DDAH1: variants seen among roughly 807,000 people sequenced by gnomAD.
DDAH1 encodes dimethylarginine dimethylaminohydrolase 1.
Under a neutral mutation model 28.8 loss-of-function variants are expected in DDAH1, and 19 were observed. That is an observed-to-expected ratio of 0.66 (90% confidence interval 0.46 to 0.97). DDAH1 has a LOEUF of 0.97. DDAH1 is among the 50% of genes least tolerant of loss of function. DDAH1 has a pLI of 0.00. For synonymous variants in DDAH1, 153 were observed against 154.4 expected, an observed-to-expected ratio of 0.99 and a Z score of 0.07; for missense variants, 326 against 375.9, an observed-to-expected ratio of 0.87 and a Z score of 1.10.
At chr1:85,379,999 A>C (rs1245035119) in intron 1 of DDAH1, among the ~76,000 whole-genome samples, 1 of 152,226 alleles carries the variant, frequency 6.6e-6, no homozygotes, top group Non-Finnish European at 1.5e-5. Flanking sequence ...AGCCAGAGTA[A>C]TTCTGCCAAA....
intron 4 of DDAH1, among the ~76,000 whole-genome samples, chr1:85,342,719 T>C (rs1489015127): frequency 1.3e-5 from 2 of 152,212 alleles, no homozygotes; most frequent in African/African-American, 2.4e-5. Context: ...GACAAAAACG[T>C]TGGCTTCTTC....
In DDAH1 at chr1:85,508,050, G is replaced by A. The variant is rs115380371; in HGVS notation, c.-122-11769C>T. ...GAGGAACATAATACAAATTTGTCCCGTATTAGTGATTCTAAGGTCAATCAC... is the reference window on the plus strand; with the variant it reads ...GAGGAACATAATACAAATTTGTCCCATATTAGTGATTCTAAGGTCAATCAC... On this transcript the variant is annotated intron_variant, in intron 1 of 6. Transcript: ENST00000426972. 3.3e-3 allele frequency among the ~76,000 whole-genome samples: 507 copies of A among 152,246 alleles called. 1 individual carries two copies. The highest frequency in any genetic ancestry group is 0.011 in the African/African-American group (476 of 41,526).
At chr1:85,535,488 GTA>G (rs1658244247) in intron 1 of DDAH1, among the ~76,000 whole-genome samples, 1 of 95,812 alleles carries the variant, frequency 1.0e-5, no homozygotes, top group Non-Finnish European at 2.1e-5. Context: ...CCCCAGTGTT[GTA>G]TATATGTTTC....
intron 1 of DDAH1, among the ~76,000 whole-genome samples, chr1:85,564,377 T>G (rs990577235): frequency 2.0e-5 from 3 of 152,268 alleles, no homozygotes; most frequent in Non-Finnish European, 2.9e-5. Context: ...GTGAAAACTT[T>G]GAATGACCTA....
At chr1:85,428,078 C>G (rs1001180254) in intron 1 of DDAH1, among the ~76,000 whole-genome samples, 6 of 152,198 alleles carry the variant, frequency 3.9e-5, no homozygotes, top group Non-Finnish European at 7.3e-5. Context: ...ATGAAGTGGT[C>G]TACCTAAGTA....
At chr1:85,538,473 G>A (rs1349090092) in intron 1 of DDAH1, among the ~76,000 whole-genome samples, 1 of 152,084 alleles carries the variant, frequency 6.6e-6, no homozygotes, top group African/African-American at 2.4e-5. Context: ...CCCTAAAAGG[G>A]GAACACCCGG....
At chr1:85,342,293 ATAT>A (rs1648541059) in intron 4 of DDAH1, among the ~76,000 whole-genome samples, 1 of 152,128 alleles carries the variant, frequency 6.6e-6, no homozygotes, top group African/African-American at 2.4e-5. Context: ...GTATTCTCTA[ATAT>A]CAGTAATAGT....
intron 1 of DDAH1, among the ~76,000 whole-genome samples, chr1:85,531,425 C>G (rs1231287672): frequency 6.6e-6 from 1 of 152,226 alleles, no homozygotes; most frequent in Non-Finnish European, 1.5e-5. Context: ...GTGCATATTT[C>G]ACACTGCTAT....
At chr1:85,436,322 G>A (rs556146842) in intron 1 of DDAH1, among the ~76,000 whole-genome samples, 1 of 151,698 alleles carries the variant, frequency 6.6e-6, no homozygotes, top group East Asian at 1.9e-4. Context: ...TCATGCTTTT[G>A]TATTGATCAT....
Position 85,464,600 on chromosome 1 carries a change from AC to A in DDAH1, c.303+142del. 6.6e-7 allele frequency: 1 copy of A among 1,526,290 alleles called. No homozygotes were observed. The highest frequency in any genetic ancestry group is 8.8e-7 in the Non-Finnish European group (1 of 1,141,130). The allele number at this position is 1,526,290 out of a possible 1,614,324, so 94.5% of individuals were successfully genotyped here. On this transcript the variant is annotated intron_variant, in intron 1 of 5. Transcript: ENST00000284031. The surrounding 1 kb of genome is among the most constrained non-coding windows in gnomAD (Gnocchi z 4.4). ...CTCTCTGACTCTCTGACACACACAC[AC>A]ACACACACACTCGCCCCCCGACGGG...
At chr1:85,397,743 T>C (rs1488967353) in intron 1 of DDAH1, among the ~76,000 whole-genome samples, 1 of 152,206 alleles carries the variant, frequency 6.6e-6, no homozygotes, top group Non-Finnish European at 1.5e-5. Context: ...ATTAATAGAA[T>C]GCCTCGCTTC....
chr1:85,351,175 T>C (rs193203130), intron 3 of DDAH1, among the ~76,000 whole-genome samples: 133 of 151,624 alleles, frequency 8.8e-4, no homozygotes, highest in African/African-American at 3.1e-3. Context: ...GGATTATAGG[T>C]GTGAGCCATC....
chr1:85,468,175 T>C (rs1198578956), upstream of DDAH1, among the ~76,000 whole-genome samples: 1 of 152,182 alleles, frequency 6.6e-6, no homozygotes. Context: ...TGGCACAAAA[T>C]TGACAGAAGC....
In DDAH1 at chr1:85,464,318, T is replaced by C. The variant is rs1570577556; in HGVS notation, c.303+425A>G. The stretch of plus-strand genomic sequence containing the variant: ...CGAGCGCCAGGCAGGACTTGGGGGC[T>C]TCGGTGTCACGACTGGCGCTGCCCC... On this transcript the variant is annotated intron_variant, in intron 1 of 5. Transcript: ENST00000284031. This position sits in a 1 kb window ranked among gnomAD's most constrained non-coding sequence, Gnocchi z 4.4. 6.6e-6 allele frequency among the ~76,000 whole-genome samples: 1 copy of C among 152,158 alleles called. No individual in the cohort carries two copies.
At chr1:85,486,203 A>T (rs1557682611) in intron 2 of DDAH1, among the ~76,000 whole-genome samples, 1 of 152,146 alleles carries the variant, frequency 6.6e-6, no homozygotes, top group Non-Finnish European at 1.5e-5. Flanking sequence ...TTTTCAGGAG[A>T]TAAGGATGAA....
rs1656955288 is a variant in DDAH1 at position 85,504,890 on chromosome 1, G to C, written c.-122-8609C>G. Among the ~76,000 whole-genome samples, 2 of 148,690 alleles carry C rather than the reference G, an allele frequency of 1.3e-5. 1 individual carries two copies. Among genetic ancestry groups the C allele is most frequent in the African/African-American group, 5.0e-5 (2 of 40,202 alleles). The stretch of plus-strand genomic sequence containing the variant: ...TATCCTCATTCCCTACCCCATGCCA[G>C]ACCCACTGAATCAGAATTTCCAGGG... On this transcript the variant is annotated intron_variant, in intron 1 of 6. Coordinates refer to the DDAH1 transcript ENST00000426972.
Position 85,324,841 on chromosome 1 carries a change from CA to C in DDAH1, c.639del (p.Val214CysfsTer5). ...QMSDHRYDKL[T>X]VPDDIAANCI... ...CAGTTTGCTGCTATGTCATCAGGCACAGTGAGTTTGTCGTAGCGGTGGTCAC... is the reference window on the plus strand; with the variant it reads ...CAGTTTGCTGCTATGTCATCAGGCACGTGAGTTTGTCGTAGCGGTGGTCAC... On this transcript the variant is annotated frameshift_variant, in exon 5 of 6. Coordinates refer to ENST00000284031, the MANE Select transcript of DDAH1 (RefSeq NM_012137.4). LOFTEE classifies it high-confidence loss of function. 6.2e-7 allele frequency: 1 copy of C among 1,614,104 alleles called. No homozygotes were observed. Among genetic ancestry groups the C allele is most frequent in the Non-Finnish European group, 8.5e-7 (1 of 1,180,012 alleles).
At chr1:85,519,465 C>T (rs1346512961) in intron 1 of DDAH1, among the ~76,000 whole-genome samples, 1 of 151,944 alleles carries the variant, frequency 6.6e-6, no homozygotes, top group Non-Finnish European at 1.5e-5. Context: ...AAAAATGATG[C>T]GTAAATTTTA....
chr1:85,448,771 G>C (rs943214499), intron 1 of DDAH1, among the ~76,000 whole-genome samples: 1 of 152,066 alleles, frequency 6.6e-6, no homozygotes, highest in African/African-American at 2.4e-5. Context: ...AAACAGTTTT[G>C]ACAATTGAGA....
Sources: gnomAD v4.1 joint callset for allele counts (sites outside exome capture counted in the v4.1 genomes callset) on GRCh38, gnomAD v4.1.1 for gene constraint, Gnocchi (gnomAD v3.1) non-coding constraint, MANE v1.5 for transcripts, NCBI Gene and HGNC (gene_info 2026-07-23, HGNC 2026-07-21) for gene names.